SNAP29: variants seen among roughly 807,000 people sequenced by gnomAD.
The protein encoded by SNAP29 is synaptosomal-associated protein 29.
Under a neutral mutation model 27.9 loss-of-function variants are expected in SNAP29, and 13 were observed. That is an observed-to-expected ratio of 0.47 (90% CI 0.30 to 0.74). The LOEUF (loss-of-function observed/expected upper bound fraction) is 0.74, where lower values mean the gene tolerates loss of function less well. Ranked by LOEUF, SNAP29 falls within the 30% of genes least tolerant of loss-of-function variation. The pLI is 0.06. For synonymous variants in SNAP29, 119 were observed against 127.1 expected (o/e 0.94, Z 0.43); for missense variants, 368 against 336.5 (o/e 1.09, Z -0.73).
chr22:20,886,163 TC>T (rs1357281164), intron 4 of SNAP29, among the ~76,000 whole-genome samples: 1 of 151,972 alleles, frequency 6.6e-6, no homozygotes, highest in Admixed American at 6.6e-5. Context: ...TCTTTTCTTT[TC>T]TTTTTTAGAA....
Position 20,870,488 on chromosome 22 carries a change from C to T in SNAP29, c.389C>T (p.Thr130Ile). The T allele has an allele frequency of 6.2e-7, 1 of 1,614,134 alleles. No homozygotes were observed. The highest frequency in any genetic ancestry group is 2.2e-5 in the East Asian group (1 of 44,882). ...VNYFKSKPVE[T>I]PPEQNGTLTS... ...TACTTCAAATCCAAACCAGTAGAGA[C>T]CCCACCTGAACAGAATGGCACCCTC... Residue 130 changes from threonine to isoleucine, a missense_variant, in exon 2 of 5, where the codon ACC (threonine) becomes ATC (isoleucine). Coordinates refer to ENST00000215730, the MANE Select transcript of SNAP29 (RefSeq NM_004782.4).
At chr22:20,877,725 A>C (rs1178542865) in intron 2 of SNAP29, among the ~76,000 whole-genome samples, 1 of 152,216 alleles carries the variant, frequency 6.6e-6, no homozygotes, top group African/African-American at 2.4e-5. Flanking sequence ...CAAAAAAAGA[A>C]AAAGAAAAAA....
At chr22:20,881,156 C>T (rs1354125687) in intron 3 of SNAP29, 22 bp downstream of exon 3, 5 of 1,516,106 alleles carry the variant, frequency 3.3e-6, no homozygotes, top group Non-Finnish European at 4.6e-6. Context: ...CCTGTGTGCA[C>T]AGCCACATTT....
Position 20,884,145 on chromosome 22 carries a change from C to G in SNAP29, c.619+576C>G, listed in dbSNP as rs1381307705. 2.0e-5 allele frequency among the ~76,000 whole-genome samples: 3 copies of G among 152,158 alleles called. No homozygotes were observed. The East Asian group carries it at 5.8e-4, about 29-fold the overall frequency. On this transcript the variant is annotated intron_variant, in intron 4 of 4. Transcript: ENST00000215730. ...GTCAGGAGTTCAAGACCAGCCTGAC[C>G]AACATGGTGAAACCCTGTCTCTACT...
chr22:20,860,194 TA>T (rs397721475), intron 1 of SNAP29, among the ~76,000 whole-genome samples: 2,808 of 138,914 alleles, frequency 0.02, 33 homozygotes, highest in East Asian at 0.037. Flanking sequence ...CCACTAAAAT[TA>T]AAAAAAAAAA....
chr22:20,870,952 CAT>C, intron 2 of SNAP29: 1 of 312,920 alleles, frequency 3.2e-6, no homozygotes, highest in Non-Finnish European at 6.2e-6. Flanking sequence ...GCCTGGGCAA[CAT>C]AGTGGGAACC....
intron 1 of SNAP29, among the ~76,000 whole-genome samples, chr22:20,860,359 C>G (rs964415252): frequency 6.5e-5 from 7 of 108,176 alleles, no homozygotes; most frequent in African/African-American, 2.9e-4. Flanking sequence ...CCTGGAGGGT[C>G]TTTTTCTTTT....
intron 2 of SNAP29, among the ~76,000 whole-genome samples, chr22:20,874,985 C>T (rs1212623176): frequency 6.6e-6 from 1 of 152,084 alleles, no homozygotes; most frequent in African/African-American, 2.4e-5. Context: ...CCCTTTCACA[C>T]CCTTCCACAT....
chr22:20,880,636 G>A (rs112245076), intron 2 of SNAP29, among the ~76,000 whole-genome samples: 209 of 152,254 alleles, frequency 1.4e-3, no homozygotes, highest in African/African-American at 4.7e-3. Context: ...TCATCTGCCT[G>A]GTCCTAGGAA....
At chr22:20,886,188 T>G (rs889968571) in intron 4 of SNAP29, among the ~76,000 whole-genome samples, 2 of 152,014 alleles carry the variant, frequency 1.3e-5, no homozygotes, top group Non-Finnish European at 2.9e-5. Context: ...GAGTCTCGCT[T>G]TGTTGCCCAG....
chr22:20,867,711 C>G (rs1054739438), intron 1 of SNAP29, among the ~76,000 whole-genome samples: 4 of 152,230 alleles, frequency 2.6e-5, no homozygotes, highest in African/African-American at 9.6e-5. Context: ...TCTCTGTGCT[C>G]CCATCTAAAC....
At chr22:20,875,676 C>T (rs1171619742) in intron 2 of SNAP29, among the ~76,000 whole-genome samples, 1 of 152,210 alleles carries the variant, frequency 6.6e-6, no homozygotes, top group Non-Finnish European at 1.5e-5. Context: ...CCAGCAGGGC[C>T]AGACACAGTG....
chr22:20,865,014 C>T (rs568767899), intron 1 of SNAP29, among the ~76,000 whole-genome samples: 9 of 152,224 alleles, frequency 5.9e-5, no homozygotes, highest in African/African-American at 2.2e-4. Context: ...TAGGTCTGTT[C>T]GGGATTTATT....
intron 2 of SNAP29, among the ~76,000 whole-genome samples, chr22:20,871,425 G>A (rs1928588361): frequency 7.3e-6 from 1 of 137,664 alleles, no homozygotes. Context: ...AGAGACTAGA[G>A]TTAAGCTATG....
intron 4 of SNAP29, among the ~76,000 whole-genome samples, chr22:20,885,192 C>T (rs993719908): frequency 2.0e-5 from 3 of 152,140 alleles, no homozygotes; most frequent in Non-Finnish European, 4.4e-5. Context: ...CTCCTCCTAC[C>T]GCTACTCCCT....
chr22:20,881,886 A>ATTACAGTTGCAGATGGAG (rs1320737443), intron 3 of SNAP29, among the ~76,000 whole-genome samples: 4 of 152,164 alleles, frequency 2.6e-5, no homozygotes, highest in African/African-American at 4.8e-5. Flanking sequence ...CAAAGGTGGA[A>ATTACAGTTGCAGATGGAG]TTACAGTTGC....
intron 2 of SNAP29, chr22:20,870,947 GGC>G (rs1415368801): frequency 1.3e-5 from 4 of 318,358 alleles, no homozygotes; most frequent in Non-Finnish European, 2.4e-5. Context: ...GACCAGCCTG[GGC>G]AACATAGTGG....
rs920449599 is a variant in SNAP29 at position 20,888,045 on chromosome 22, CA to C, written c.*213del. 8.7e-6 allele frequency: 5 copies of C among 572,706 alleles called. No homozygotes were observed. Among genetic ancestry groups the C allele is most frequent in the Non-Finnish European group, 1.6e-5 (5 of 322,534 alleles). The allele number at this position is 572,706 out of a possible 1,614,324, so 35.5% of individuals were successfully genotyped here. A position where few individuals can be genotyped will look rare whatever the true frequency, so the allele number is the denominator to read the frequency against. On this transcript the variant is annotated 3_prime_UTR_variant, in exon 5 of 5. Coordinates refer to ENST00000215730, the MANE Select transcript of SNAP29 (RefSeq NM_004782.4). ...TTAACACCTCACCAAGTTCTTCCAG[CA>C]AAATGCTTATTAGAGTTTTTGTCTG...
intron 3 of SNAP29, among the ~76,000 whole-genome samples, chr22:20,882,747 T>C (rs1267698306): frequency 6.6e-6 from 1 of 152,210 alleles, no homozygotes; most frequent in Non-Finnish European, 1.5e-5. Context: ...TTGTGCAGTA[T>C]ATATTAACTT....
Sources: allele counts gnomAD v4.1 joint callset (sites outside exome capture counted in the v4.1 genomes callset), GRCh38; gene constraint gnomAD v4.1.1; transcripts MANE v1.5; gene names NCBI Gene and HGNC (gene_info 2026-07-23, HGNC 2026-07-21).